Variants in AOAH observed in about 807,000 individuals in gnomAD.
AOAH encodes the protein acyloxyacyl hydrolase.
AOAH carries 64 observed loss-of-function variants against 92.2 expected under a neutral mutation model. That is an observed-to-expected ratio of 0.69 (90% CI 0.57 to 0.86). The LOEUF is 0.86. Among genes scored for constraint, AOAH ranks in the 40% least tolerant of loss-of-function variants. The pLI, the probability that AOAH is intolerant of heterozygous loss-of-function variation, is 0.00. For synonymous variants in AOAH, 263 were observed against 254.5 expected, an observed-to-expected ratio of 1.03 and a Z score of -0.32; for missense variants, 656 against 694.6, an observed-to-expected ratio of 0.94 and a Z score of 0.62.
At chr7:36,557,035 A>C (rs1476828308) in intron 13 of AOAH, among the ~76,000 whole-genome samples, 1 of 152,022 alleles carries the variant, frequency 6.6e-6, no homozygotes, top group Non-Finnish European at 1.5e-5. Context: ...TTATGATATT[A>C]GCTGGTTATT....
intron 1 of AOAH, among the ~76,000 whole-genome samples, chr7:36,714,261 C>T (rs1246230880): frequency 2.0e-5 from 3 of 152,156 alleles, no homozygotes; most frequent in Admixed American, 1.3e-4. Flanking sequence ...CATACACTCT[C>T]CCAAGACTAA....
Position 36,552,408 on chromosome 7 carries a change from T to G in AOAH, c.1022-2933A>C, listed in dbSNP as rs116085906. ...TTTTCTTTATCCAGTCTATCATCAA[T>G]GGGTATTTGGGTTGATTTCATCTCT... On this transcript the variant is annotated intron_variant, in intron 13 of 20. Coordinates refer to ENST00000617537, the MANE Select transcript of AOAH (RefSeq NM_001637.4). Among the ~76,000 whole-genome samples the G allele has an allele frequency of 6.7e-3, 1,023 of 152,306 alleles. 13 individuals are homozygous for G. Among genetic ancestry groups the G allele is most frequent in the African/African-American group, 0.023 (975 of 41,550 alleles).
chr7:36,569,147 T>C (rs1193234978), intron 13 of AOAH, among the ~76,000 whole-genome samples: 1 of 152,204 alleles, frequency 6.6e-6, no homozygotes, highest in Non-Finnish European at 1.5e-5. Context: ...AACAGAAGAC[T>C]GGTCCCAGGA....
intron 3 of AOAH, among the ~76,000 whole-genome samples, chr7:36,671,581 G>A (rs1795927570): frequency 6.6e-6 from 1 of 151,978 alleles, no homozygotes; most frequent in East Asian, 1.9e-4. Flanking sequence ...GTCTGTATGA[G>A]TGTGCATGTG....
chr7:36,602,457 T>C (rs1165244917), intron 11 of AOAH, among the ~76,000 whole-genome samples: 3 of 151,406 alleles, frequency 2.0e-5, no homozygotes, highest in South Asian at 2.1e-4. Context: ...TTTTTTTTTT[T>C]CATCCCCTAG....
At chr7:36,589,461 G>T (rs148911545) in intron 12 of AOAH, among the ~76,000 whole-genome samples, 8 of 152,296 alleles carry the variant, frequency 5.3e-5, no homozygotes, top group African/African-American at 1.9e-4. Context: ...TGAGGTACAG[G>T]CTAGTTAAGG....
chr7:36,682,199 G>A (rs1278329770), intron 2 of AOAH, among the ~76,000 whole-genome samples: 2 of 152,210 alleles, frequency 1.3e-5, no homozygotes, highest in Non-Finnish European at 2.9e-5. Flanking sequence ...TCCCTTCCAG[G>A]GCAAGGCCCA....
chr7:36,571,008 A>C (rs1788108008), intron 13 of AOAH, among the ~76,000 whole-genome samples: 2 of 146,350 alleles, frequency 1.4e-5, no homozygotes, highest in African/African-American at 4.9e-5. Flanking sequence ...ACACCAAGGA[A>C]AGTGCAATAA....
intron 4 of AOAH, among the ~76,000 whole-genome samples, chr7:36,653,910 TC>T (rs1172738696): frequency 2.0e-5 from 3 of 152,128 alleles, no homozygotes; most frequent in Non-Finnish European, 4.4e-5. Context: ...CTAAGGAGGC[TC>T]CAGGATGCTT....
At chr7:36,678,550 A>AGCGTGT (rs1796404886) in intron 2 of AOAH, among the ~76,000 whole-genome samples, 1 of 118,870 alleles carries the variant, frequency 8.4e-6, no homozygotes, top group Non-Finnish European at 1.9e-5. Context: ...TAAGATAAGC[A>AGCGTGT]GTGTGTGTGT....
At chr7:36,539,597 A>G (rs1269139491) in intron 16 of AOAH, among the ~76,000 whole-genome samples, 1 of 152,200 alleles carries the variant, frequency 6.6e-6, no homozygotes, top group Non-Finnish European at 1.5e-5. Flanking sequence ...CTTAATAAAT[A>G]CATTCTCCTC....
intron 1 of AOAH, among the ~76,000 whole-genome samples, chr7:36,718,558 G>A (rs1799397802): frequency 6.6e-6 from 1 of 152,108 alleles, no homozygotes; most frequent in Non-Finnish European, 1.5e-5. Context: ...CAACTCAAAT[G>A]TTCATCAACA....
intron 19 of AOAH, among the ~76,000 whole-genome samples, chr7:36,524,222 C>T (rs1356695347): frequency 6.6e-6 from 1 of 151,960 alleles, no homozygotes; most frequent in East Asian, 1.9e-4. Flanking sequence ...AAGACAATCG[C>T]AACAGGGTGT....
At position 36,590,022 on chromosome 7, in the gene AOAH, C is replaced by A. The variant is rs138430269; in HGVS notation, c.938+4317G>T. On this transcript the variant is annotated intron_variant, in intron 12 of 20. Coordinates refer to ENST00000617537, the MANE Select transcript of AOAH (RefSeq NM_001637.4). Reference sequence around the variant, plus strand: ...ACAGTGGCGTGATCATAGCTCACAGCAATCTCAGCAATCTCAAACTCCTGG... The same window carrying A: ...ACAGTGGCGTGATCATAGCTCACAGAAATCTCAGCAATCTCAAACTCCTGG... Among the ~76,000 whole-genome samples the A allele has an allele frequency of 6.4e-4, 97 of 152,184 alleles. 2 individuals are homozygous for A. In the East Asian group the frequency reaches 0.018, roughly 28 times the overall value.
At chr7:36,543,947 CT>C (rs1219471100) in intron 15 of AOAH, among the ~76,000 whole-genome samples, 4 of 91,006 alleles carry the variant, frequency 4.4e-5, no homozygotes, top group African/African-American at 1.7e-4. Context: ...TTCTTTCTTT[CT>C]TTTTTTTTTT....
At chr7:36,553,079 A>G (rs1263424632) in intron 13 of AOAH, among the ~76,000 whole-genome samples, 2 of 148,332 alleles carry the variant, frequency 1.3e-5, no homozygotes, top group African/African-American at 4.9e-5. Flanking sequence ...CTAACTCGTT[A>G]TCTAGCATTA....
intron 1 of AOAH, among the ~76,000 whole-genome samples, chr7:36,716,796 G>C (rs1221675361): frequency 2.0e-5 from 3 of 151,478 alleles, no homozygotes. Context: ...ACACAGGAAG[G>C]GGAACATCAC....
chr7:36,543,916 T>C (rs574752667), intron 15 of AOAH, among the ~76,000 whole-genome samples: 1 of 151,056 alleles, frequency 6.6e-6, no homozygotes, highest in South Asian at 2.1e-4. Flanking sequence ...TGAAAAGTTT[T>C]CTTTTCTTTT....
rs571659495 is a variant in AOAH at position 36,715,077 on chromosome 7, C to T, written c.127+8945G>A. On this transcript the variant is annotated intron_variant, in intron 1 of 20. Transcript: ENST00000617537. ...ATGACATGATTGTATATCTAGAAAA[C>T]CCCATCATCTCTGCCCAAAATCTCC... Among the ~76,000 whole-genome samples, 21 of 152,244 alleles carry T rather than the reference C, an allele frequency of 1.4e-4. No individual in the cohort carries two copies. In the East Asian group the frequency reaches 4.0e-3, roughly 29 times the overall value.
Sources: gnomAD v4.1 joint callset for allele counts (sites outside exome capture counted in the v4.1 genomes callset) on GRCh38, gnomAD v4.1.1 for gene constraint, MANE v1.5 for transcripts, NCBI Gene and HGNC (gene_info 2026-07-23, HGNC 2026-07-21) for gene names.